The following CCNB3 variants were observed in gnomAD, a reference collection of about 807,000 sequenced individuals.
CCNB3 encodes cyclin B3, also known as G2/mitotic-specific cyclin-B3.
Under a neutral mutation model 68.0 loss-of-function variants are expected in CCNB3, and 12 were observed. The observed-to-expected ratio is 0.18, with a 90% CI of 0.11 to 0.29. The LOEUF is 0.29. Ranked by LOEUF, CCNB3 falls within the 10% of genes least tolerant of loss-of-function variation. The pLI, the probability that CCNB3 is intolerant of heterozygous loss-of-function variation, is 1.00. For missense variants in CCNB3, 904 were observed against 993.1 expected, an observed-to-expected ratio of 0.91 and a Z score of 1.21; for synonymous variants, 354 against 388.9, an observed-to-expected ratio of 0.91 and a Z score of 1.06.
chrX:50,341,194 G>A (rs964183863), intron 8 of CCNB3, among the ~76,000 whole-genome samples: 65 of 109,709 alleles, frequency 5.9e-4, no homozygotes, highest in Non-Finnish European at 1.1e-3. Context: ...GCCGGGCGTG[G>A]TGGCGGATGC....
chrX:50,335,995 G>T (rs139436930), intron 8 of CCNB3, among the ~76,000 whole-genome samples: 4 of 111,194 alleles, frequency 3.6e-5, no homozygotes, highest in Non-Finnish European at 7.5e-5. Flanking sequence ...GGTTTCCTTG[G>T]ATAAGGGGGT....
At chrX:50,296,067 C>T (rs868944495) in intron 5 of CCNB3, among the ~76,000 whole-genome samples, 1 of 111,332 alleles carries the variant, frequency 9.0e-6, no homozygotes. Context: ...CAATTCTCTG[C>T]GTTATTTTCT....
upstream of CCNB3, among the ~76,000 whole-genome samples, chrX:50,202,991 A>G (rs968165513): frequency 4.5e-5 from 5 of 111,945 alleles, no homozygotes; most frequent in Non-Finnish European, 9.4e-5. Flanking sequence ...GGGATATTCA[A>G]ATAGTCAAAG....
chrX:50,227,883 A>C (rs1287220711), intron 1 of CCNB3, among the ~76,000 whole-genome samples: 2 of 85,228 alleles, frequency 2.3e-5, no homozygotes, highest in Admixed American at 1.6e-4. Flanking sequence ...ATATATAGAG[A>C]GAAAATATAT....
chrX:50,319,620 A>G (rs1229803118), intron 8 of CCNB3, among the ~76,000 whole-genome samples: 1 of 110,998 alleles, frequency 9.0e-6, no homozygotes, highest in South Asian at 3.8e-4. Context: ...GTTTTATTAT[A>G]CTGCCTGAGA....
At chrX:50,315,962 A>G (rs1302738771) in intron 8 of CCNB3, among the ~76,000 whole-genome samples, 1 of 111,609 alleles carries the variant, frequency 9.0e-6, no homozygotes, top group African/African-American at 3.3e-5. Context: ...GTTGCTAAGT[A>G]GTATTCCATG....
chrX:50,303,445 T>C (rs1268715644), intron 5 of CCNB3, among the ~76,000 whole-genome samples: 1 of 107,537 alleles, frequency 9.3e-6, no homozygotes, highest in Non-Finnish European at 1.9e-5. Context: ...CATGCCCAGC[T>C]GGCAGTGTTT....
chrX:50,300,123 C>G (rs973114989), intron 5 of CCNB3, among the ~76,000 whole-genome samples: 3 of 111,404 alleles, frequency 2.7e-5, no homozygotes, highest in Non-Finnish European at 5.7e-5. Flanking sequence ...GGAGCATTTA[C>G]CCCATTTACA....
intron 4 of CCNB3, among the ~76,000 whole-genome samples, chrX:50,293,194 A>G (rs1039743528): frequency 9.0e-6 from 1 of 111,049 alleles, no homozygotes; most frequent in Non-Finnish European, 1.9e-5. Context: ...GGTTGTTTGT[A>G]TTTCTGTGGG....
At position 50,286,744 on chromosome X, in the gene CCNB3, G is replaced by C. The variant is rs755821173; in HGVS notation, c.96+1485G>C. Among the ~76,000 whole-genome samples, 384 of 109,912 alleles carry C rather than the reference G, an allele frequency of 3.5e-3. 3 individuals are homozygous for C. Among genetic ancestry groups the C allele is most frequent in the African/African-American group, 0.012 (373 of 30,260 alleles). On this transcript the variant is annotated intron_variant, in intron 3 of 12. Coordinates refer to ENST00000376042, the MANE Select transcript of CCNB3 (RefSeq NM_033031.3). ...GGCTCACTGCAACCTCTGCCTCCCA[G>C]GTTCAAGCAATTCTCCTGCCTCAGC...
intron 8 of CCNB3, among the ~76,000 whole-genome samples, chrX:50,324,190 G>C (rs1203186852): frequency 9.0e-6 from 1 of 111,189 alleles, no homozygotes; most frequent in Admixed American, 9.5e-5. Flanking sequence ...GATTACAGGC[G>C]TGCGCCACTA....
intron 8 of CCNB3, among the ~76,000 whole-genome samples, chrX:50,317,124 A>G (rs12013597): frequency 0.05 from 5,561 of 111,966 alleles, 312 homozygotes; most frequent in African/African-American, 0.17. Context: ...TTAACCATCT[A>G]ATAGGTGTAT....
intron 8 of CCNB3, among the ~76,000 whole-genome samples, chrX:50,332,999 A>G (rs902995451): frequency 6.3e-5 from 7 of 111,463 alleles, no homozygotes; most frequent in Non-Finnish European, 1.1e-4. Context: ...GAAGGAGTAC[A>G]TCTAATTTTA....
chrX:50,227,195 T>G (rs1376639302), intron 1 of CCNB3, among the ~76,000 whole-genome samples: 7 of 81,819 alleles, frequency 8.6e-5, no homozygotes, highest in Non-Finnish European at 1.5e-4. Context: ...TAAATATATA[T>G]AGAGAATATA....
intron 1 of CCNB3, among the ~76,000 whole-genome samples, chrX:50,227,339 C>T (rs1278381967): frequency 1.4e-5 from 1 of 70,830 alleles, no homozygotes; most frequent in African/African-American, 5.5e-5. Context: ...AATATACACA[C>T]AGAATATATA....
intron 1 of CCNB3, among the ~76,000 whole-genome samples, chrX:50,206,598 A>G (rs2146969951): frequency 9.2e-6 from 1 of 109,012 alleles, no homozygotes; most frequent in East Asian, 2.9e-4. Context: ...AAAAAATAAT[A>G]AAAATGAAAT....
intron 1 of CCNB3, among the ~76,000 whole-genome samples, chrX:50,282,781 TTA>T (rs778771083): frequency 2.4e-4 from 27 of 111,795 alleles, no homozygotes; most frequent in African/African-American, 8.4e-4. Context: ...TCTCTGAGAT[TTA>T]GTTAACCTGT....
intron 11 of CCNB3, 150 bp from the exon 12 acceptor site, chrX:50,351,091 G>C: frequency 5.1e-6 from 3 of 587,555 alleles, no homozygotes; most frequent in Non-Finnish European, 8.1e-6. Context: ...TATAATTATT[G>C]ATCAGCGTCC....
At chrX:50,279,524 G>T (rs1257387024) in intron 1 of CCNB3, among the ~76,000 whole-genome samples, 1,739 of 78,854 alleles carry the variant, frequency 0.022, 50 homozygotes, top group African/African-American at 0.082. Flanking sequence ...TTCATATAAA[G>T]ATATATGAAT....
Sources: gnomAD v4.1 joint callset for allele counts (sites outside exome capture counted in the v4.1 genomes callset) on GRCh38, gnomAD v4.1.1 for gene constraint, MANE v1.5 for transcripts, NCBI Gene and HGNC (gene_info 2026-07-23, HGNC 2026-07-21) for gene names.